The following MARCHF1 variants were observed in gnomAD, a reference collection of about 807,000 sequenced individuals.
The protein encoded by MARCHF1 is E3 ubiquitin-protein ligase MARCHF1.
Under a neutral mutation model 54.2 loss-of-function variants are expected in MARCHF1, and 40 were observed. The ratio of observed to expected loss-of-function variants is 0.74; its 90% CI spans 0.57 to 0.96. MARCHF1 has a LOEUF of 0.96. Ranked by LOEUF, MARCHF1 falls within the 40% of genes least tolerant of loss-of-function variation. The pLI is 0.00. For missense variants in MARCHF1, 586 were observed against 656.5 expected (o/e 0.89, Z 1.17); for synonymous variants, 236 against 236.3 (o/e 1.00, Z 0.01).
At chr4:163,814,068 A>G (rs975315658) in intron 4 of MARCHF1, among the ~76,000 whole-genome samples, 1 of 152,186 alleles carries the variant, frequency 6.6e-6, no homozygotes. Context: ...TTGCTCTCCC[A>G]GGATCGATTG....
chr4:163,653,073 G>GAC (rs1743023103), intron 5 of MARCHF1, among the ~76,000 whole-genome samples: 1 of 66,290 alleles, frequency 1.5e-5, no homozygotes, highest in Non-Finnish European at 2.5e-5. Flanking sequence ...TAAGGGGATG[G>GAC]AGTCATTGGT....
chr4:163,862,224 A>G (rs1448236397), intron 3 of MARCHF1, among the ~76,000 whole-genome samples: 1 of 152,110 alleles, frequency 6.6e-6, no homozygotes, highest in Non-Finnish European at 1.5e-5. Flanking sequence ...ATTTGTTAAA[A>G]TTATAAACTT....
chr4:163,822,047 G>C (rs1265660729), intron 4 of MARCHF1, among the ~76,000 whole-genome samples: 2 of 151,898 alleles, frequency 1.3e-5, no homozygotes, highest in South Asian at 4.1e-4. Context: ...ATTTTGTTAA[G>C]TTTTGCCAAA....
At chr4:163,985,533 C>T (rs1368435666) in intron 3 of MARCHF1, among the ~76,000 whole-genome samples, 5 of 152,040 alleles carry the variant, frequency 3.3e-5, no homozygotes, top group Non-Finnish European at 7.4e-5. Flanking sequence ...AAAAAATCAA[C>T]AAAAGAATTT....
At chr4:164,001,126 T>C (rs1364285733) in intron 2 of MARCHF1, among the ~76,000 whole-genome samples, 1 of 151,776 alleles carries the variant, frequency 6.6e-6, no homozygotes, top group Non-Finnish European at 1.5e-5. Context: ...ATAGTCTACT[T>C]TTCCTTTTTA....
At chr4:164,221,362 T>A (rs935035229) in intron 1 of MARCHF1, among the ~76,000 whole-genome samples, 1 of 151,492 alleles carries the variant, frequency 6.6e-6, no homozygotes, top group Non-Finnish European at 1.5e-5. Context: ...AAAATAAAAA[T>A]TACAAAATGT....
intron 3 of MARCHF1, among the ~76,000 whole-genome samples, chr4:163,892,583 G>T (rs1385071208): frequency 1.5e-5 from 2 of 133,284 alleles, no homozygotes. Context: ...AAAACTTAAA[G>T]TATAATAAAA....
chr4:163,716,949 AAATTT>A (rs1423820624), intron 4 of MARCHF1, among the ~76,000 whole-genome samples: 2 of 151,552 alleles, frequency 1.3e-5, no homozygotes, highest in Admixed American at 6.6e-5. Context: ...TTTTATTATT[AAATTT>A]AACACTTATT....
chr4:163,565,985 C>A, intron 8 of MARCHF1, among the ~76,000 whole-genome samples: 1 of 152,174 alleles, frequency 6.6e-6, no homozygotes, highest in East Asian at 1.9e-4. Context: ...AGTATTAAGC[C>A]TCAAAGACAA....
intron 1 of MARCHF1, among the ~76,000 whole-genome samples, chr4:164,301,845 G>A (rs770206434): frequency 2.6e-5 from 4 of 152,172 alleles, no homozygotes; most frequent in Non-Finnish European, 5.9e-5. Context: ...GACTTTGACA[G>A]AGGAATTAAA....
intron 5 of MARCHF1, among the ~76,000 whole-genome samples, chr4:163,633,456 C>A (rs1018732510): frequency 6.6e-6 from 1 of 152,138 alleles, no homozygotes; most frequent in Admixed American, 6.5e-5. Context: ...AATGCAGAAG[C>A]CTCAGGAGCC....
At chr4:164,086,132 A>G (rs914755705) in intron 2 of MARCHF1, among the ~76,000 whole-genome samples, 2 of 151,906 alleles carry the variant, frequency 1.3e-5, no homozygotes, top group African/African-American at 4.8e-5. Context: ...GATAAACATC[A>G]TTAGCTCTGA....
chr4:164,280,187 AT>A (rs1295025583), intron 1 of MARCHF1, among the ~76,000 whole-genome samples: 1 of 152,016 alleles, frequency 6.6e-6, no homozygotes, highest in African/African-American at 2.4e-5. Flanking sequence ...TGAAAAGGAT[AT>A]ATTGTCAACT....
chr4:164,347,412 G>T (rs1730140242), intron 1 of MARCHF1, among the ~76,000 whole-genome samples: 1 of 152,118 alleles, frequency 6.6e-6, no homozygotes, highest in Non-Finnish European at 1.5e-5. Flanking sequence ...AGGTAAAGGG[G>T]CCAGGTGTTT....
At chr4:163,854,691 C>T (rs1406684712) in intron 3 of MARCHF1, among the ~76,000 whole-genome samples, 2 of 152,112 alleles carry the variant, frequency 1.3e-5, no homozygotes, top group Admixed American at 1.3e-4. Flanking sequence ...AAAAAATTTA[C>T]TGCAAGTATA....
intron 2 of MARCHF1, among the ~76,000 whole-genome samples, chr4:164,053,382 A>C (rs1036386289): frequency 8.6e-6 from 1 of 116,070 alleles, no homozygotes; most frequent in South Asian, 3.0e-4. Context: ...TAGGAGTCTA[A>C]TATTTCTCAT....
intron 2 of MARCHF1, among the ~76,000 whole-genome samples, chr4:164,063,302 C>A (rs754473476): frequency 5.3e-5 from 8 of 152,228 alleles, no homozygotes; most frequent in Non-Finnish European, 1.0e-4. Flanking sequence ...ATGGCATCTT[C>A]TTCCAATAGA....
chr4:164,290,034 TAC>T (rs112647598), intron 1 of MARCHF1, among the ~76,000 whole-genome samples: 1 of 151,370 alleles, frequency 6.6e-6, no homozygotes, highest in Admixed American at 6.6e-5. Context: ...CACACACACA[TAC>T]ACACACACAG....
intron 1 of MARCHF1, among the ~76,000 whole-genome samples, chr4:164,235,649 C>G (rs1732527968): frequency 1.3e-5 from 2 of 152,036 alleles, no homozygotes; most frequent in South Asian, 4.1e-4. Flanking sequence ...AAACCAAAGA[C>G]TGTATGTGCT....
Sources: allele counts gnomAD v4.1 joint callset (sites outside exome capture counted in the v4.1 genomes callset), GRCh38; gene constraint gnomAD v4.1.1; transcripts MANE v1.5; gene names NCBI Gene and HGNC (gene_info 2026-07-23, HGNC 2026-07-21).